MACO1: variants seen among roughly 807,000 people sequenced by gnomAD.
MACO1 encodes the protein macoilin 1.
Under a neutral mutation model 78.7 loss-of-function variants are expected in MACO1, and 14 were observed. The ratio of observed to expected loss-of-function variants is 0.18; its 90% CI spans 0.12 to 0.28. The LOEUF (loss-of-function observed/expected upper bound fraction) is 0.28. Ranked by LOEUF, MACO1 falls within the 10% of genes least tolerant of loss-of-function variation. MACO1 has a pLI of 1.00. For synonymous variants in MACO1, 288 were observed against 291.6 expected (o/e 0.99, Z 0.12); for missense variants, 501 against 799.0 (o/e 0.63, Z 4.50).
At chr1:25,495,565 G>A (rs530891301) in intron 10 of MACO1, among the ~76,000 whole-genome samples, 1 of 152,264 alleles carries the variant, frequency 6.6e-6, no homozygotes, top group South Asian at 2.1e-4. Context: ...CTACAGGGTT[G>A]TGCTCAGGAT....
intron 10 of MACO1, among the ~76,000 whole-genome samples, chr1:25,496,010 C>G (rs1259296722): frequency 6.6e-6 from 1 of 152,084 alleles, no homozygotes. Context: ...TCTACTACAT[C>G]CTTTTAAAAA....
chr1:25,495,692 G>A (rs943006382), intron 10 of MACO1, among the ~76,000 whole-genome samples: 3 of 152,214 alleles, frequency 2.0e-5, no homozygotes, highest in East Asian at 1.9e-4. Flanking sequence ...GGCCAGGCGC[G>A]GTGGCTCACA....
chr1:25,456,633 C>A lies in MACO1; in HGVS notation c.474-20C>A, dbSNP rs755827460. On this transcript the variant is annotated intron_variant, in intron 4 of 10. Transcript: ENST00000374343. ...TTCATTTTAAACCTACAATTACTGG[C>A]TGGATTGTCTTCTTTCTAGTATTGG... The A allele has an allele frequency of 6.2e-7, 1 of 1,605,880 alleles. No homozygotes were observed. Among genetic ancestry groups the A allele is most frequent in the South Asian group, 1.1e-5 (1 of 89,464 alleles).
At chr1:25,483,989 TG>T (rs2043404146) in intron 6 of MACO1, 126 bp from the exon 7 acceptor site, 1 of 915,828 alleles carries the variant, frequency 1.1e-6, no homozygotes, top group African/African-American at 1.7e-5. Context: ...GTCCTCATCA[TG>T]GCAGGAACTG....
In MACO1 at chr1:25,484,123, C is replaced by G; in HGVS notation, c.1162C>G (p.Gln388Glu). 3 of 1,610,176 alleles carry G rather than the reference C, an allele frequency of 1.9e-6. No individual in the cohort carries two copies. The highest frequency in any genetic ancestry group is 2.5e-6 in the Non-Finnish European group (3 of 1,178,766). ...CATTTCTCATTCTCCTAGGCTGGAACAAGACATTAAAAAGTTAAAGGCTGA... is the reference window on the plus strand; with the variant it reads ...CATTTCTCATTCTCCTAGGCTGGAAGAAGACATTAAAAAGTTAAAGGCTGA... Reference protein sequence around the residue: ...SKPDALVRLEQDIKKLKADLQ... With the variant: ...SKPDALVRLEEDIKKLKADLQ... The change falls in exon 7 of 11, where the codon CAA (glutamine) becomes GAA (glutamate). Residue 388 changes from glutamine to glutamate, a missense_variant. By Grantham distance (29) the Gln-to-Glu change is conservative. Transcript: ENST00000374343.
rs375407828 is a variant in MACO1, at chr1:25,454,402, A to ATGTG, written c.473+32_473+35dup. 2.6e-6 allele frequency: 4 copies of ATGTG among 1,540,334 alleles called. No individual in the cohort carries two copies. Among genetic ancestry groups the ATGTG allele is most frequent in the African/African-American group, 2.8e-5 (2 of 70,470 alleles). On this transcript the variant is annotated intron_variant, in intron 4 of 10. Coordinates refer to ENST00000374343, the MANE Select transcript of MACO1 (RefSeq NM_018202.6). ...TCACTGGTAAGTATTACATAAATGT[A>ATGTG]TGTGTGTGTGTGTGTATATGTGTGT...
chr1:25,459,636 G>A (rs1321711440), intron 6 of MACO1, among the ~76,000 whole-genome samples: 2 of 151,786 alleles, frequency 1.3e-5, no homozygotes, highest in South Asian at 4.2e-4. Context: ...CGCCACGCCA[G>A]GCTAATTTTT....
chr1:25,472,571 G>A (rs2043283640), intron 6 of MACO1, among the ~76,000 whole-genome samples: 1 of 152,210 alleles, frequency 6.6e-6, no homozygotes, highest in Non-Finnish European at 1.5e-5. Flanking sequence ...GTTAGAATAT[G>A]TGTTTGGCTG....
At position 25,484,144 on chromosome 1, in the gene MACO1, G is replaced by C. The variant is rs777809852; in HGVS notation, c.1183G>C (p.Ala395Pro). 6.2e-7 allele frequency: 1 copy of C among 1,613,324 alleles called. No individual in the cohort carries two copies. The highest frequency in any genetic ancestry group is 1.1e-5 in the South Asian group (1 of 90,974). ...GGAACAAGACATTAAAAAGTTAAAG[G>C]CTGACCTGCAAGCCAGCAGACAAGT... ...RLEQDIKKLKADLQASRQVEQ... is the reference protein window; with the variant it reads ...RLEQDIKKLKPDLQASRQVEQ... Residue 395 changes from alanine (A) to proline (P), a missense_variant, in exon 7 of 11, where the codon GCT (alanine) becomes CCT (proline). Transcript: ENST00000374343.
chr1:25,432,029 C>T (rs1431274345), intron 1 of MACO1, among the ~76,000 whole-genome samples: 1 of 152,104 alleles, frequency 6.6e-6, no homozygotes, highest in Non-Finnish European at 1.5e-5. Context: ...TCATAGCTTC[C>T]CCAAGTCGAT....
chr1:25,453,004 ATTTT>A (rs1246920699), intron 3 of MACO1, among the ~76,000 whole-genome samples: 1 of 118,202 alleles, frequency 8.5e-6, no homozygotes. Flanking sequence ...CCTACAGTGA[ATTTT>A]TTTTTTTTTT....
rs1199061454 is a variant in MACO1, at chr1:25,454,519, T to TGTCACCCA, written c.473+139_473+146dup. The TGTCACCCA allele has an allele frequency of 3.1e-5, 6 of 194,506 alleles. No individual in the cohort carries two copies. The Admixed American group carries it at 3.9e-4, about 13-fold the overall frequency. The allele number at this position is 194,506 out of a possible 1,614,324, so 12.0% of individuals were successfully genotyped here. ...TTTTTTTTTAGACGGAGTCTTGCTCTGTCACCCAGGCTGGAATGCAGTGGC... is the reference window on the plus strand; with the variant it reads ...TTTTTTTTTAGACGGAGTCTTGCTCTGTCACCCAGTCACCCAGGCTGGAATGCAGTGGC... On this transcript the variant is annotated intron_variant, in intron 4 of 10. Coordinates refer to ENST00000374343, the MANE Select transcript of MACO1 (RefSeq NM_018202.6).
intron 2 of MACO1, 83 bp from the exon 3 acceptor site, chr1:25,448,725 G>C: frequency 7.8e-7 from 1 of 1,289,190 alleles, no homozygotes; most frequent in South Asian, 2.3e-5. Context: ...CAATAATTTT[G>C]TCCAACATGT....
intron 1 of MACO1, among the ~76,000 whole-genome samples, chr1:25,442,451 C>T (rs957791422): frequency 6.6e-6 from 1 of 152,106 alleles, no homozygotes; most frequent in African/African-American, 2.4e-5. Context: ...ACCAAATGAA[C>T]TAAATGGCCA....
intron 2 of MACO1, among the ~76,000 whole-genome samples, chr1:25,448,140 G>A (rs1054896545): frequency 3.3e-5 from 4 of 122,332 alleles, no homozygotes; most frequent in African/African-American, 7.7e-5. Flanking sequence ...TGGTTTGTGA[G>A]GAGAGAGAAG....
intron 8 of MACO1, 108 bp from the exon 9 acceptor site, chr1:25,489,065 C>G: frequency 7.4e-7 from 1 of 1,360,042 alleles, no homozygotes; most frequent in Non-Finnish European, 9.8e-7. Flanking sequence ...AAATAATCTG[C>G]CTGCCTCGGC....
chr1:25,474,150 G>T (rs1233832986), intron 6 of MACO1, among the ~76,000 whole-genome samples: 1 of 152,236 alleles, frequency 6.6e-6, no homozygotes, highest in Non-Finnish European at 1.5e-5. Context: ...ACAGCCAGTT[G>T]TTGCCATGGG....
chr1:25,445,319 G>A (rs2043006283), intron 1 of MACO1, among the ~76,000 whole-genome samples: 1 of 150,986 alleles, frequency 6.6e-6, no homozygotes, highest in East Asian at 1.9e-4. Flanking sequence ...AAAAAAGATT[G>A]CGTTCTTTTG....
intron 4 of MACO1, among the ~76,000 whole-genome samples, chr1:25,456,200 G>A (rs1298640444): frequency 1.3e-5 from 2 of 150,326 alleles, no homozygotes; most frequent in Non-Finnish European, 3.0e-5. Flanking sequence ...GGAGGTTGCA[G>A]TGAGCCGAGA....
Sources: allele counts gnomAD v4.1 joint callset (sites outside exome capture counted in the v4.1 genomes callset), GRCh38; gene constraint gnomAD v4.1.1; transcripts MANE v1.5; gene names NCBI Gene and HGNC (gene_info 2026-07-23, HGNC 2026-07-21).